The following GLB1L3 variants were observed in gnomAD, a reference collection of about 807,000 sequenced individuals.
GLB1L3 encodes the protein galactosidase beta 1 like 3.
In GLB1L3, 89 loss-of-function variants were observed where a neutral mutation model predicts 89.5. The ratio of observed to expected loss-of-function variants is 0.99; its 90% CI spans 0.84 to 1.19. The LOEUF (loss-of-function observed/expected upper bound fraction) is 1.19, where lower values mean the gene tolerates loss of function less well. Among genes scored for constraint, GLB1L3 ranks in the 50% most tolerant of loss-of-function variants. The pLI is 0.00. For synonymous variants in GLB1L3, 314 were observed against 312.3 expected (o/e 1.01, Z -0.06); for missense variants, 812 against 813.3 (o/e 1.00, Z 0.02).
rs554679394 is a variant in GLB1L3, at chr11:134,290,237, A to G, written c.729+1347A>G. 2.0e-5 allele frequency among the ~76,000 whole-genome samples: 3 copies of G among 152,224 alleles called. No homozygotes were observed. In the South Asian group the frequency reaches 6.2e-4, roughly 32 times the overall value. On this transcript the variant is annotated intron_variant, in intron 7 of 19. Transcript: ENST00000431683. ...TAATCGGTTGTATTCAGCCAGCATT[A>G]TTTAATCGGTTGTGTTCAGCCAGCA...
rs1943098958 is a variant in GLB1L3, at chr11:134,318,955, A to T, written c.*13A>T. ...GCCCACGCTGTAAAACTGTGTCTGAACATTTTTTTTTTTTTTTGAGATGGA... is the reference window on the plus strand; with the variant it reads ...GCCCACGCTGTAAAACTGTGTCTGATCATTTTTTTTTTTTTTTGAGATGGA... On this transcript the variant is annotated 3_prime_UTR_variant, in exon 20 of 20. Coordinates refer to ENST00000431683, the MANE Select transcript of GLB1L3 (RefSeq NM_001080407.3). 1 of 1,518,476 alleles carries T rather than the reference A, an allele frequency of 6.6e-7. No homozygotes were observed. Among genetic ancestry groups the T allele is most frequent in the Non-Finnish European group, 8.8e-7 (1 of 1,139,014 alleles). The allele number at this position is 1,518,476 out of a possible 1,614,324, so 94.1% of individuals were successfully genotyped here.
At chr11:134,306,102 A>G (rs1485108855) in intron 9 of GLB1L3, among the ~76,000 whole-genome samples, 1 of 152,148 alleles carries the variant, frequency 6.6e-6, no homozygotes, top group African/African-American at 2.4e-5. Flanking sequence ...TGAAAAGTGT[A>G]CCTCAAATAG....
intron 2 of GLB1L3, 49 bp from the exon 3 acceptor site, chr11:134,277,651 C>A: frequency 6.4e-7 from 1 of 1,565,098 alleles, no homozygotes; most frequent in African/African-American, 1.4e-5. Flanking sequence ...AGCCCTCTCC[C>A]GAATCCTCTC....
intron 7 of GLB1L3, 47 bp downstream of exon 7, chr11:134,288,937 C>A: frequency 7.7e-7 from 1 of 1,295,018 alleles, no homozygotes; most frequent in Non-Finnish European, 1.1e-6. Context: ...CTCCTTCCTC[C>A]TCTGTGCGTT....
chr11:134,297,479 G>A (rs1024923990), intron 9 of GLB1L3, among the ~76,000 whole-genome samples: 6 of 151,722 alleles, frequency 4.0e-5, no homozygotes, highest in African/African-American at 1.5e-4. Context: ...CTTTTCTGGA[G>A]CTAATTAATA....
intron 9 of GLB1L3, among the ~76,000 whole-genome samples, chr11:134,305,587 C>G (rs140138480): frequency 1.3e-5 from 2 of 152,186 alleles, no homozygotes; most frequent in Non-Finnish European, 2.9e-5. Context: ...AGAAGTCAGT[C>G]TTTCCTCTTG....
chr11:134,314,263 G>A, intron 17 of GLB1L3, 67 bp from the exon 18 acceptor site: 1 of 1,098,124 alleles, frequency 9.1e-7, no homozygotes. Context: ...ACGCCACCTG[G>A]GGTGGGTACT....
intron 11 of GLB1L3, chr11:134,310,295 C>T: frequency 2.1e-6 from 1 of 486,558 alleles, no homozygotes; most frequent in East Asian, 3.2e-5. Flanking sequence ...CCTGGGCCGC[C>T]TGTAGCCCAT....
rs762867090 is a variant in GLB1L3, at chr11:134,318,837, G to A, written c.1897-40G>A. The A allele has an allele frequency of 7.0e-6, 11 of 1,579,074 alleles. No homozygotes were observed. The East Asian group carries it at 2.2e-4, about 32-fold the overall frequency. On this transcript the variant is annotated intron_variant, in intron 19 of 19. Coordinates refer to ENST00000431683, the MANE Select transcript of GLB1L3 (RefSeq NM_001080407.3). ...GTCTTTTTCAACCTGTACTAAATAG[G>A]CTTCACCTTTCCCACTGTCAACCTT...
rs564102066 is a variant in GLB1L3, at chr11:134,305,288, T to C, written c.877-1836T>C. ...CTTGTGCACCCTATTCTGTAACTGA[T>C]AATAAATGGTTGGTATTGCACTATA... is the stretch of plus-strand genomic sequence containing the variant. On this transcript the variant is annotated intron_variant, in intron 9 of 19. Coordinates refer to ENST00000431683, the MANE Select transcript of GLB1L3 (RefSeq NM_001080407.3). The C allele has an allele frequency of 2.1e-4, 138 of 670,516 alleles. No individual in the cohort carries two copies. The African/African-American group carries it at 2.2e-3, about 11-fold the overall frequency. The allele number at this position is 670,516 out of a possible 1,614,324, so 41.5% of individuals were successfully genotyped here. A position where few individuals can be genotyped will look rare whatever the true frequency, so the allele number is the denominator to read the frequency against.
chr11:134,312,917 C>G, intron 15 of GLB1L3, 30 bp downstream of exon 15: 1 of 1,418,578 alleles, frequency 7.0e-7, no homozygotes, highest in South Asian at 1.2e-5. Context: ...AGGTGATGCC[C>G]TCGACCCCCC....
At chr11:134,302,347 A>C (rs1469312873) in intron 9 of GLB1L3, among the ~76,000 whole-genome samples, 1 of 152,232 alleles carries the variant, frequency 6.6e-6, no homozygotes, top group Non-Finnish European at 1.5e-5. Flanking sequence ...TTTCTTAAAA[A>C]ATACAAATTT....
rs575973887 is a variant in GLB1L3 at position 134,293,152 on chromosome 11, C to T, written c.819C>T (p.Ala273=). 75 of 1,613,490 alleles carry T rather than the reference C, an allele frequency of 4.6e-5. 3 individuals are homozygous for T. In the South Asian group the frequency reaches 7.1e-4, roughly 15 times the overall value. The change falls in exon 9 of 20, where the codon GCC becomes GCT. Residue 273 remains alanine (A), a synonymous_variant. Transcript: ENST00000431683. Reference sequence around the variant, plus strand: ...TCTCTCTTCTTTATGCAGTGTTGGCCGCCATCAATTTGCAAAAACTTCACC... The same window carrying T: ...TCTCTCTTCTTTATGCAGTGTTGGCTGCCATCAATTTGCAAAAACTTCACC... ...VLSGHTKGVL[A]AINLQKLHQD... is the part of the protein sequence containing the mutation.
At chr11:134,286,986 C>T (rs980712510) in intron 6 of GLB1L3, 7 of 150,722 alleles carry the variant, frequency 4.6e-5, no homozygotes, top group African/African-American at 1.7e-4. Context: ...CGGTGAAACC[C>T]CGTCTCTACT....
downstream of GLB1L3, among the ~76,000 whole-genome samples, chr11:134,320,233 A>G (rs949990275): frequency 6.3e-4 from 96 of 152,278 alleles, no homozygotes; most frequent in African/African-American, 2.2e-3. Flanking sequence ...GAGGGAAGAG[A>G]ACCCTCTGTT....
chr11:134,293,834 C>A (rs1941489402), intron 9 of GLB1L3, among the ~76,000 whole-genome samples: 1 of 152,126 alleles, frequency 6.6e-6, no homozygotes, highest in Non-Finnish European at 1.5e-5. Context: ...ACACCCTCTC[C>A]TGGTTGTCCT....
rs1405594321 is a variant in GLB1L3, at chr11:134,313,383, C to T, written c.1501-13C>T. On this transcript the variant is annotated splice_polypyrimidine_tract_variant and intron_variant, in intron 15 of 19. Coordinates refer to ENST00000431683, the MANE Select transcript of GLB1L3 (RefSeq NM_001080407.3). ...TGGCTGCGTGGTCTCCATGACCTGG[C>T]CTGTCCCAGCAGGACTGCCGATACC... The T allele has an allele frequency of 1.3e-6, 2 of 1,568,136 alleles. No individual in the cohort carries two copies. The highest frequency in any genetic ancestry group is 1.7e-6 in the Non-Finnish European group (2 of 1,156,116).
At chr11:134,323,389 A>G (rs938702874), downstream of GLB1L3, among the ~76,000 whole-genome samples, 45 of 70,180 alleles carry the variant, frequency 6.4e-4, no homozygotes, top group Non-Finnish European at 1.3e-4. Context: ...GCACACACAC[A>G]CACACGTACA....
rs975881706 is a variant in GLB1L3 at position 134,310,632 on chromosome 11, ACT to A, written c.1164_1165del (p.Phe389SerfsTer40). 6.2e-7 allele frequency: 1 copy of A among 1,612,094 alleles called. No homozygotes were observed. Among genetic ancestry groups the A allele is most frequent in the Non-Finnish European group, 8.5e-7 (1 of 1,179,006 alleles). On this transcript the variant is annotated frameshift_variant, in exon 12 of 20. Transcript: ENST00000431683. LOFTEE classifies it high-confidence loss of function. ...CAGAAAAATATCTGAAGCTTCAAAA[ACT>A]CTTTCAATCTGTCTCAGGTACTCAG... ...YTEKYLKLQKLFQSVSATPLP... is the reference protein window; with the variant it reads ...YTEKYLKLQKXFQSVSATPLP...
Sources: gnomAD v4.1 joint callset for allele counts (sites outside exome capture counted in the v4.1 genomes callset) on GRCh38, gnomAD v4.1.1 for gene constraint, MANE v1.5 for transcripts, NCBI Gene and HGNC (gene_info 2026-07-23, HGNC 2026-07-21) for gene names.